TMEM117: variants seen among roughly 807,000 people sequenced by gnomAD.
The protein encoded by TMEM117 is transmembrane protein 117.
TMEM117 carries 27 observed loss-of-function variants against 52.4 expected under a neutral mutation model. The observed-to-expected ratio is 0.51, with a 90% CI of 0.38 to 0.71. The LOEUF (loss-of-function observed/expected upper bound fraction) is 0.71, where lower values mean the gene tolerates loss of function less well. TMEM117 is among the 30% of genes least tolerant of loss of function. TMEM117 has a pLI of 0.00. For missense variants in TMEM117, 556 were observed against 630.5 expected (o/e 0.88, Z 1.26); for synonymous variants, 215 against 206.3 (o/e 1.04, Z -0.36).
intron 6 of TMEM117, among the ~76,000 whole-genome samples, chr12:44,362,496 T>G (rs1182910422): frequency 2.0e-4 from 30 of 152,016 alleles, no homozygotes; most frequent in Non-Finnish European, 1.0e-4. Context: ...CAAGGCTTAG[T>G]AGGGGGACTG....
At chr12:44,204,169 C>T (rs143388091) in intron 4 of TMEM117, among the ~76,000 whole-genome samples, 9 of 152,258 alleles carry the variant, frequency 5.9e-5, no homozygotes, top group African/African-American at 1.9e-4. Flanking sequence ...TGATTCTATA[C>T]TTAGAAAACC....
intron 7 of TMEM117, among the ~76,000 whole-genome samples, chr12:44,384,147 C>T (rs374692945): frequency 2.6e-5 from 4 of 151,864 alleles, no homozygotes; most frequent in African/African-American, 4.8e-5. Context: ...ACCAAGGTAA[C>T]GACACAGTGT....
chr12:43,807,818 G>A, the TMEM117 span, among the ~76,000 whole-genome samples: 5 of 152,162 alleles, frequency 3.3e-5, 1 homozygote, highest in African/African-American at 1.2e-4. Context: ...AGCGTCTTGG[G>A]TACCTTGCTC....
chr12:43,858,845 G>A (rs935821891), intron 2 of TMEM117, among the ~76,000 whole-genome samples: 28 of 152,210 alleles, frequency 1.8e-4, no homozygotes, highest in Non-Finnish European at 1.0e-4. Context: ...ATTGACAAAT[G>A]TGTTGAATAC....
intron 3 of TMEM117, among the ~76,000 whole-genome samples, chr12:44,090,789 A>T (rs1327273224): frequency 2.1e-5 from 3 of 144,064 alleles, no homozygotes; most frequent in Non-Finnish European, 4.5e-5. Context: ...CTTTACTTCC[A>T]TTCTTGTGCC....
At chr12:44,397,628 C>T in the TMEM117 span, among the ~76,000 whole-genome samples, 4 of 152,178 alleles carry the variant, frequency 2.6e-5, no homozygotes, top group Non-Finnish European at 5.9e-5. Context: ...ATGTTGAAAA[C>T]ATCAATTATT....
chr12:43,999,098 A>C, intron 3 of TMEM117, among the ~76,000 whole-genome samples: 1 of 152,240 alleles, frequency 6.6e-6, no homozygotes, highest in East Asian at 1.9e-4. Context: ...AAATTGGTAC[A>C]TTTTGAAAAA....
chr12:43,811,474 AT>A, the TMEM117 span, among the ~76,000 whole-genome samples: 190 of 152,332 alleles, frequency 1.2e-3, 1 homozygote, highest in African/African-American at 4.3e-3. Flanking sequence ...ATTATCTTAC[AT>A]TCAAGAAAAA....
the TMEM117 span, among the ~76,000 whole-genome samples, chr12:43,816,227 G>A: frequency 6.6e-6 from 1 of 152,108 alleles, no homozygotes; most frequent in Admixed American, 6.6e-5. Context: ...TGTGGGCAAG[G>A]TGTTCTGTTC....
chr12:44,365,054 G>T (rs1951771542), intron 6 of TMEM117, among the ~76,000 whole-genome samples: 1 of 152,086 alleles, frequency 6.6e-6, no homozygotes, highest in Non-Finnish European at 1.5e-5. Context: ...GAAGTGCAAA[G>T]AAGTTAGGGA....
At chr12:44,224,883 C>A (rs1195436743) in intron 5 of TMEM117, among the ~76,000 whole-genome samples, 1 of 152,094 alleles carries the variant, frequency 6.6e-6, no homozygotes, top group Non-Finnish European at 1.5e-5. Context: ...TTCCTCAGCT[C>A]TCTTCCCAAC....
At chr12:44,261,191 G>A (rs779920935) in intron 5 of TMEM117, among the ~76,000 whole-genome samples, 72 of 152,058 alleles carry the variant, frequency 4.7e-4, no homozygotes, top group Non-Finnish European at 6.3e-4. Flanking sequence ...AATCTTATAG[G>A]CACTTCACAT....
intron 3 of TMEM117, among the ~76,000 whole-genome samples, chr12:44,001,109 A>AG (rs1397185427): frequency 1.3e-5 from 2 of 152,210 alleles, no homozygotes; most frequent in African/African-American, 4.8e-5. Context: ...AAAATTAGGA[A>AG]GACAGGCATT....
At chr12:43,814,022 G>A in the TMEM117 span, among the ~76,000 whole-genome samples, 2 of 152,096 alleles carry the variant, frequency 1.3e-5, no homozygotes, top group Non-Finnish European at 2.9e-5. Flanking sequence ...CAGCTTAGAT[G>A]TTTATAATGG....
At chr12:43,804,228 T>C in the TMEM117 span, 1 of 486,686 alleles carries the variant, frequency 2.1e-6, no homozygotes, top group Non-Finnish European at 4.0e-6. Flanking sequence ...AGAAATGGAC[T>C]GTGGTGCAGA....
chr12:44,240,144 C>A (rs1175138286), intron 5 of TMEM117, among the ~76,000 whole-genome samples: 1 of 152,092 alleles, frequency 6.6e-6, no homozygotes, highest in South Asian at 2.1e-4. Context: ...TTAAAAAGTT[C>A]AGAATTGAGC....
intron 4 of TMEM117, among the ~76,000 whole-genome samples, chr12:44,197,416 T>C (rs1949435479): frequency 6.6e-6 from 1 of 152,202 alleles, no homozygotes; most frequent in South Asian, 2.1e-4. Flanking sequence ...TGAAAGCTAC[T>C]CATTCTTTCA....
At chr12:44,078,826 A>G (rs1023540061) in intron 3 of TMEM117, among the ~76,000 whole-genome samples, 1 of 151,740 alleles carries the variant, frequency 6.6e-6, no homozygotes, top group African/African-American at 2.4e-5. Flanking sequence ...CATCACCTAC[A>G]TTAGGTATTT....
intron 5 of TMEM117, among the ~76,000 whole-genome samples, chr12:44,259,201 T>A (rs1436925912): frequency 6.6e-6 from 1 of 152,150 alleles, no homozygotes; most frequent in Non-Finnish European, 1.5e-5. Flanking sequence ...GCCAGCATTA[T>A]ACTAAATGTT....
Sources: allele counts gnomAD v4.1 joint callset (sites outside exome capture counted in the v4.1 genomes callset), GRCh38; gene constraint gnomAD v4.1.1; transcripts MANE v1.5; gene names NCBI Gene and HGNC (gene_info 2026-07-23, HGNC 2026-07-21).